Variants in WASHC2A observed in about 807,000 individuals in gnomAD.
WASHC2A encodes WASH complex subunit FAM21A.
Under a neutral mutation model 140.3 loss-of-function variants are expected in WASHC2A, and 82 were observed. The ratio of observed to expected loss-of-function variants is 0.58; its 90% CI spans 0.49 to 0.70. The LOEUF (loss-of-function observed/expected upper bound fraction) is 0.70. Ranked by LOEUF, WASHC2A falls within the 30% of genes least tolerant of loss-of-function variation. The probability of loss-of-function intolerance (pLI) is 0.00; values close to 1 mark genes in which losing one functional copy is unlikely to be tolerated. For missense variants in WASHC2A, 985 were observed against 1,521.8 expected, an observed-to-expected ratio of 0.65 and a Z score of 5.87; for synonymous variants, 340 against 560.8, an observed-to-expected ratio of 0.61 and a Z score of 5.56.
chr10:50,090,084 T>C (rs1839740753), intron 8 of WASHC2A, among the ~76,000 whole-genome samples: 1 of 151,850 alleles, frequency 6.6e-6, no homozygotes, highest in East Asian at 1.9e-4. Flanking sequence ...CACTTCAGCC[T>C]GGGCAAAAAG....
At chr10:50,127,127 A>G (rs1313128285) in intron 26 of WASHC2A, 33 bp from the exon 27 acceptor site, 9 of 1,611,864 alleles carry the variant, frequency 5.6e-6, no homozygotes, top group Non-Finnish European at 6.8e-6. Flanking sequence ...CTGTTTCCCA[A>G]ATGGATTTTT....
At chr10:50,110,815 C>T (rs1326265828) in intron 20 of WASHC2A, among the ~76,000 whole-genome samples, 1 of 139,604 alleles carries the variant, frequency 7.2e-6, no homozygotes, top group African/African-American at 2.7e-5. Context: ...ATGGCTTGAA[C>T]TTGGGAGGTG....
rs1451751351 is a variant in WASHC2A at position 50,123,029 on chromosome 10, A to G, written c.2479-2084A>G. The stretch of plus-strand genomic sequence containing the variant: ...AAAGATGCTCAGCATCAGGGAAGCC[A>G]AAACCACAGTGACATACCACTTCAT... On this transcript the variant is annotated intron_variant, in intron 23 of 30. Coordinates refer to ENST00000282633, the MANE Select transcript of WASHC2A (RefSeq NM_001005751.3). Among the ~76,000 whole-genome samples, 60 of 123,894 alleles carry G rather than the reference A, an allele frequency of 4.8e-4. 4 individuals are homozygous for G. Among genetic ancestry groups the G allele is most frequent in the Middle Eastern group, 4.1e-3 (1 of 246 alleles). 81.3% of individuals were successfully genotyped at this position (123,894 alleles called of 152,430 possible).
chr10:50,126,351 C>A, intron 26 of WASHC2A, 172 bp downstream of exon 26: 3 of 1,033,160 alleles, frequency 2.9e-6, no homozygotes, highest in Non-Finnish European at 4.2e-6. Context: ...CCTCTCCTCG[C>A]TCCACACGCC....
At chr10:50,097,587 C>G in intron 15 of WASHC2A, 88 bp from the exon 16 acceptor site, 2 of 983,626 alleles carry the variant, frequency 2.0e-6, no homozygotes, top group Non-Finnish European at 3.0e-6. Context: ...TATGTTTATT[C>G]TTTGGGAGGG....
At chr10:50,090,526 A>ATT (rs1180022970) in intron 8 of WASHC2A, among the ~76,000 whole-genome samples, 2,440 of 140,310 alleles carry the variant, frequency 0.017, 52 homozygotes, top group Non-Finnish European at 0.029. Context: ...ATATATATAT[A>ATT]TATATTTATA....
rs1388016745 is a variant in WASHC2A at position 50,116,653 on chromosome 10, T to C, written c.2143-1253T>C. On this transcript the variant is annotated intron_variant, in intron 21 of 30. Coordinates refer to ENST00000282633, the MANE Select transcript of WASHC2A (RefSeq NM_001005751.3). ...TGTAGTTTTCAGTGAGTCCAGGATG[T>C]TCCACAAAAGCCTTTTCCTTTGATT... is the stretch of plus-strand genomic sequence containing the variant. 5.3e-4 allele frequency among the ~76,000 whole-genome samples: 80 copies of C among 151,470 alleles called. 1 individual carries two copies. The highest frequency in any genetic ancestry group is 9.6e-4 in the Non-Finnish European group (65 of 67,958).
At chr10:50,125,954 G>A in intron 25 of WASHC2A, 103 bp from the exon 26 acceptor site, 5 of 1,451,966 alleles carry the variant, frequency 3.4e-6, no homozygotes, top group Non-Finnish European at 4.7e-6. Flanking sequence ...ATTTGAGAAA[G>A]TATTTTTAAG....
chr10:50,076,553 C>A (rs1554877905), intron 3 of WASHC2A, among the ~76,000 whole-genome samples: 3 of 152,188 alleles, frequency 2.0e-5, no homozygotes, highest in Non-Finnish European at 1.5e-5. Flanking sequence ...GGGTAAGGGG[C>A]ACTTGAGTAT....
chr10:50,115,799 C>A (rs1206331453), intron 21 of WASHC2A, among the ~76,000 whole-genome samples: 1 of 150,344 alleles, frequency 6.7e-6, no homozygotes, highest in East Asian at 2.0e-4. Flanking sequence ...TTCAGACTTT[C>A]CTTATTTTCT....
intron 13 of WASHC2A, among the ~76,000 whole-genome samples, 177 bp from the exon 14 acceptor site, chr10:50,094,971 G>A (rs1165094509): frequency 1.5e-4 from 23 of 152,060 alleles, no homozygotes; most frequent in African/African-American, 5.5e-4. Flanking sequence ...CCAAAAAAAA[G>A]TCCTGACATC....
intron 26 of WASHC2A, 109 bp downstream of exon 26, chr10:50,126,288 C>G (rs760954136): frequency 0.13 from 211,432 of 1,599,492 alleles, 15,093 homozygotes; most frequent in Middle Eastern, 0.18. Context: ...AAGGAGGAAA[C>G]AGCAACCAGG....
At position 50,129,774 on chromosome 10, in the gene WASHC2A, C is replaced by G; in HGVS notation, c.3443C>G (p.Thr1148Arg). ...TGTGSQSVER[T>R]KPKAKIAENP... The stretch of plus-strand genomic sequence containing the variant: ...ACTGGATCTCAGTCTGTGGAGAGAA[C>G]AAAACCCAAGGCAAAGATAGCAGAG... Residue 1148 changes from threonine to arginine, a missense_variant, in exon 29 of 31, where the codon ACA (threonine) becomes AGA (arginine). Coordinates refer to ENST00000282633, the MANE Select transcript of WASHC2A (RefSeq NM_001005751.3). 6.2e-7 allele frequency: 1 copy of G among 1,612,026 alleles called. No homozygotes were observed. Among genetic ancestry groups the G allele is most frequent in the Non-Finnish European group, 8.5e-7 (1 of 1,179,868 alleles).
At chr10:50,082,087 T>C (rs1408010826) in intron 5 of WASHC2A, among the ~76,000 whole-genome samples, 1 of 152,064 alleles carries the variant, frequency 6.6e-6, no homozygotes, top group Non-Finnish European at 1.5e-5. Flanking sequence ...CAGTGGACTC[T>C]GGGAAATGGA....
At chr10:50,128,547 G>A (rs1348937631) in intron 28 of WASHC2A, among the ~76,000 whole-genome samples, 5 of 152,190 alleles carry the variant, frequency 3.3e-5, no homozygotes, top group Admixed American at 2.6e-4. Context: ...CCAAGTAAGC[G>A]ACAGGACACA....
chr10:50,108,839 G>A (rs879988319), intron 19 of WASHC2A, among the ~76,000 whole-genome samples: 10 of 104,506 alleles, frequency 9.6e-5, no homozygotes, highest in Admixed American at 8.4e-4. Flanking sequence ...CCGAGACTGC[G>A]CCACTGCACT....
chr10:50,103,997 A>G, intron 17 of WASHC2A, 45 bp from the exon 18 acceptor site: 1 of 1,497,190 alleles, frequency 6.7e-7, no homozygotes, highest in Non-Finnish European at 9.2e-7. Flanking sequence ...ATATTTTAAA[A>G]ACTGATATTC....
chr10:50,073,026 C>A (rs1838004041), intron 3 of WASHC2A, among the ~76,000 whole-genome samples: 1 of 152,024 alleles, frequency 6.6e-6, no homozygotes, highest in Non-Finnish European at 1.5e-5. Context: ...CTTTTTAGGG[C>A]AAGAGAAATT....
intron 17 of WASHC2A, among the ~76,000 whole-genome samples, chr10:50,101,726 G>A (rs1310740497): frequency 3.0e-4 from 46 of 152,210 alleles, no homozygotes; most frequent in African/African-American, 1.1e-3. Flanking sequence ...AACACCCATA[G>A]TTTTGTTGTC....
Sources: allele counts gnomAD v4.1 joint callset (sites outside exome capture counted in the v4.1 genomes callset), GRCh38; gene constraint gnomAD v4.1.1; transcripts MANE v1.5; gene names NCBI Gene and HGNC (gene_info 2026-07-23, HGNC 2026-07-21).